AAAS: variants seen among roughly 807,000 people sequenced by gnomAD.
AAAS encodes the protein aladin WD repeat nucleoporin, also known as aladin.
AAAS carries 60 observed loss-of-function variants against 75.6 expected under a neutral mutation model. That is an observed-to-expected ratio of 0.79 (90% CI 0.64 to 0.98). The LOEUF (loss-of-function observed/expected upper bound fraction) is 0.98. AAAS is among the 50% of genes least tolerant of loss of function. The pLI, the probability that AAAS is intolerant of heterozygous loss-of-function variation, is 0.00. For missense variants in AAAS, 658 were observed against 686.9 expected, an observed-to-expected ratio of 0.96 and a Z score of 0.47; for synonymous variants, 271 against 265.0, an observed-to-expected ratio of 1.02 and a Z score of -0.22.
chr12:53,307,671 C>T lies in AAAS; in HGVS notation c.1459G>A (p.Val487Ile), dbSNP rs753600605. Residue 487 changes from valine to isoleucine, a missense_variant, in exon 16 of 16, where the codon GTC becomes ATC. Physicochemically the swap from Val to Ile is conservative, Grantham distance 29. Transcript: ENST00000209873. ...GRIAHIPLYF[V>I]NAQFPRFSPV... Reference sequence around the variant, plus strand: ...CTAAAACGTGGAAACTGGGCATTGACAAAGTACAGCGGGATGTGGGCAATT... The same window carrying T: ...CTAAAACGTGGAAACTGGGCATTGATAAAGTACAGCGGGATGTGGGCAATT... The T allele has an allele frequency of 1.2e-6, 2 of 1,614,166 alleles. No homozygotes were observed. Among genetic ancestry groups the T allele is most frequent in the Middle Eastern group, 1.6e-4 (1 of 6,062 alleles).
intron 7 of AAAS, among the ~76,000 whole-genome samples, chr12:53,313,491 G>A (rs10783568): frequency 0.93 from 141,263 of 152,004 alleles, 66,242 homozygotes; most frequent in Non-Finnish European, 0.99. Flanking sequence ...TAGCAGAGAC[G>A]GGTTTTACCA....
intron 5 of AAAS, 81 bp downstream of exon 5, chr12:53,315,013 A>T (rs773903445): frequency 1.3e-6 from 2 of 1,532,462 alleles, no homozygotes; most frequent in Non-Finnish European, 1.8e-6. Flanking sequence ...GAAAAGGAGT[A>T]GGAGTCTTTG....
At chr12:53,314,976 G>A in intron 5 of AAAS, 118 bp downstream of exon 5, 1 of 1,478,684 alleles carries the variant, frequency 6.8e-7, no homozygotes, top group South Asian at 1.1e-5. Context: ...GGGGGAACAG[G>A]AGGAATGAGA....
Position 53,321,336 on chromosome 12 carries a change from T to TGA in AAAS, c.123+6_123+7insTC. ...CTGTAGGTCCCCTCCCTCCTCGCCCTGGCCACCTGGCCCCGGAAGTCGGGG... is the reference window on the plus strand; with the variant it reads ...CTGTAGGTCCCCTCCCTCCTCGCCCTGAGGCCACCTGGCCCCGGAAGTCGGGG... On this transcript the variant is annotated splice_region_variant and intron_variant, in intron 1 of 15. Coordinates refer to ENST00000209873, the MANE Select transcript of AAAS (RefSeq NM_015665.6). 2 of 1,613,400 alleles carry TGA rather than the reference T, an allele frequency of 1.2e-6. No homozygotes were observed. The highest frequency in any genetic ancestry group is 1.7e-6 in the Non-Finnish European group (2 of 1,179,868).
In AAAS at chr12:53,308,062, G is replaced by A. The variant is rs768211715; in HGVS notation, c.1321C>T (p.Leu441Phe). ...CCACATGGCACTTACCAGGGAAGGA[G>A]CTCAAACACAGGGCTGTTTCGAGTG... is the stretch of plus-strand genomic sequence containing the variant. ...FRTRNSPVFE[L>F]LPCGIIQGEP... Residue 441 changes from leucine to phenylalanine, a missense_variant, in exon 14 of 16, where the codon CTC (leucine) becomes TTC (phenylalanine). By Grantham distance (22) the Leu-to-Phe change is conservative. Transcript: ENST00000209873. The A allele has an allele frequency of 1.9e-6, 3 of 1,614,222 alleles. No individual in the cohort carries two copies. Among genetic ancestry groups the A allele is most frequent in the South Asian group, 2.2e-5 (2 of 91,088 alleles).
At chr12:53,309,504 C>G in intron 8 of AAAS, 97 bp downstream of exon 8, 1 of 1,598,638 alleles carries the variant, frequency 6.3e-7, no homozygotes, top group East Asian at 2.2e-5. Flanking sequence ...CTGAATGGAC[C>G]AAGGTCCCTC....
At chr12:53,315,458 C>A (rs769410590) in intron 3 of AAAS, 32 bp from the exon 4 acceptor site, 11 of 1,584,972 alleles carry the variant, frequency 6.9e-6, no homozygotes, top group Non-Finnish European at 9.5e-6. Context: ...TCTGATTAAA[C>A]CATTCACAGG....
Position 53,321,548 on chromosome 12 carries a change from G to T in AAAS, c.-83C>A, listed in dbSNP as rs1166263786. 3.4e-5 allele frequency: 54 copies of T among 1,605,596 alleles called. No homozygotes were observed. Among genetic ancestry groups the T allele is most frequent in the Non-Finnish European group, 4.5e-5 (53 of 1,178,450 alleles). ...CGCACTCCCGCAACTCGGTTCCCGG[G>T]CTAGATTCGTATGCGGACGGGTACC... On this transcript the variant is annotated 5_prime_UTR_variant, in exon 1 of 16. Transcript: ENST00000209873.
In AAAS at chr12:53,320,625, C is replaced by T. The variant is rs151099565; in HGVS notation, c.191G>A (p.Gly64Asp). ...GTGATGGATGAAGGCAGTTCTTGTG[C>T]CATGGTCCAGCCTTCCAGGGGTCTT... ...PLKTPGRLDHGTRTAFIHHRE... is the reference protein window; with the variant it reads ...PLKTPGRLDHDTRTAFIHHRE... Residue 64 changes from glycine to aspartate, a missense_variant, in exon 2 of 16, where the codon GGC becomes GAC. Gly to Asp is a moderately conservative substitution (Grantham distance 94). Transcript: ENST00000209873. 6.2e-7 allele frequency: 1 copy of T among 1,614,130 alleles called. No individual in the cohort carries two copies. Among genetic ancestry groups the T allele is most frequent in the East Asian group, 2.2e-5 (1 of 44,878 alleles).
At chr12:53,316,331 T>A (rs1035561218) in intron 2 of AAAS, among the ~76,000 whole-genome samples, 3 of 151,190 alleles carry the variant, frequency 2.0e-5, no homozygotes, top group African/African-American at 7.3e-5. Context: ...GTACCTGTAG[T>A]CCCAGCTACT....
At chr12:53,310,330 T>C (rs898823400) in intron 7 of AAAS, among the ~76,000 whole-genome samples, 8 of 152,086 alleles carry the variant, frequency 5.3e-5, no homozygotes, top group African/African-American at 1.4e-4. Flanking sequence ...GAGGCCGAGG[T>C]GGGCGGATCA....
intron 7 of AAAS, among the ~76,000 whole-genome samples, chr12:53,312,785 G>A (rs899538964): frequency 1.4e-5 from 2 of 142,662 alleles, no homozygotes; most frequent in South Asian, 4.4e-4. Context: ...ATACATACAC[G>A]TATATATATA....
Position 53,320,583 on chromosome 12 carries a change from T to C in AAAS, c.233A>G (p.Lys78Arg), listed in dbSNP as rs1944537319. Residue 78 changes from lysine (K) to arginine (R), a missense_variant, in exon 2 of 16, where the codon AAG becomes AGG. Physicochemically the swap from Lys to Arg is conservative, Grantham distance 26 (BLOSUM62 2). Coordinates refer to ENST00000209873, the MANE Select transcript of AAAS (RefSeq NM_015665.6). The stretch of plus-strand genomic sequence containing the variant: ...GCCTCACCAAATGTTGATGCATCTC[T>C]TCCACACTTGCTCCCGGTGATGGAT... ...AFIHHREQVW[K>R]RCINIWRDVG... 1 of 1,613,834 alleles carries C rather than the reference T, an allele frequency of 6.2e-7. No homozygotes were observed. Among genetic ancestry groups the C allele is most frequent in the Admixed American group, 1.7e-5 (1 of 59,992 alleles).
rs978041224 is a variant in AAAS at position 53,321,092 on chromosome 12, A to C, written c.123+251T>G. ...TTTTAGATAGTTCTCCCGCATCCTC[A>C]CACTCCCTAGATTCTCCCTCATTCT... On this transcript the variant is annotated intron_variant, in intron 1 of 15. Coordinates refer to ENST00000209873, the MANE Select transcript of AAAS (RefSeq NM_015665.6). 1.2e-5 allele frequency: 7 copies of C among 605,744 alleles called. No individual in the cohort carries two copies. The Admixed American group carries it at 2.2e-4, about 19-fold the overall frequency. 37.5% of individuals were successfully genotyped at this position (605,744 alleles called of 1,614,324 possible).
chr12:53,309,460 T>C, intron 8 of AAAS, 141 bp downstream of exon 8: 1 of 1,538,046 alleles, frequency 6.5e-7, no homozygotes. Flanking sequence ...CTCACGAGTC[T>C]GATGGCAAAG....
At chr12:53,318,135 C>T (rs1944491432) in intron 2 of AAAS, among the ~76,000 whole-genome samples, 1 of 151,552 alleles carries the variant, frequency 6.6e-6, no homozygotes, top group Non-Finnish European at 1.5e-5. Flanking sequence ...CTCAGGTATT[C>T]TTGCCTCGGC....
rs1465518751 is a variant in AAAS at position 53,307,900 on chromosome 12, TG to T, written c.1360del (p.Gln454SerfsTer97). 1.2e-6 allele frequency: 2 copies of T among 1,614,058 alleles called. No homozygotes were observed. Among genetic ancestry groups the T allele is most frequent in the African/African-American group, 2.7e-5 (2 of 74,924 alleles). On this transcript the variant is annotated frameshift_variant, in exon 15 of 16. Transcript: ENST00000209873. LOFTEE classifies it high-confidence loss of function. Reference sequence around the variant, plus strand: ...AGGATGGAAAGTGATGAGCTGGGGCTGGGCTCCTGGCTCCCCCTGGATAATG... The same window carrying T: ...AGGATGGAAAGTGATGAGCTGGGGCTGGCTCCTGGCTCCCCCTGGATAATG... ...CGIIQGEPGA[Q>X]PQLITFHPSF...
At chr12:53,320,507 T>A (rs778882523) in intron 2 of AAAS, 58 bp downstream of exon 2, 147 of 1,611,064 alleles carry the variant, frequency 9.1e-5, no homozygotes, top group Non-Finnish European at 9.4e-5. Flanking sequence ...AAAGGGGTGT[T>A]GACTCATTTT....
At position 53,307,911 on chromosome 12, in the gene AAAS, C is replaced by G. The variant is rs771005134; in HGVS notation, c.1350G>C (p.Glu450Asp). The change falls in exon 15 of 16, where the codon GAG (glutamate) becomes GAC (aspartate). Residue 450 changes from glutamate to aspartate, a missense_variant. Physicochemically the swap from Glu to Asp is conservative, Grantham distance 45 (BLOSUM62 2). Coordinates refer to ENST00000209873, the MANE Select transcript of AAAS (RefSeq NM_015665.6). ...ELLPCGIIQG[E>D]PGAQPQLITF... ...TGATGAGCTGGGGCTGGGCTCCTGG[C>G]TCCCCCTGGATAATGCCACTAGAAG... is the stretch of plus-strand genomic sequence containing the variant. 4.3e-5 allele frequency: 69 copies of G among 1,614,084 alleles called. No homozygotes were observed. The highest frequency in any genetic ancestry group is 5.6e-5 in the Non-Finnish European group (66 of 1,180,050).
Sources: gnomAD v4.1 joint callset for allele counts (sites outside exome capture counted in the v4.1 genomes callset) on GRCh38, gnomAD v4.1.1 for gene constraint, MANE v1.5 for transcripts, NCBI Gene and HGNC (gene_info 2026-07-23, HGNC 2026-07-21) for gene names.